CHD7: variants seen among roughly 807,000 people sequenced by gnomAD.
The protein encoded by CHD7 is chromodomain helicase DNA binding protein 7.
In CHD7, 24 loss-of-function variants were observed where a neutral mutation model predicts 307.3. That is an observed-to-expected ratio of 0.08 (90% CI 0.06 to 0.11). The LOEUF (loss-of-function observed/expected upper bound fraction) is 0.11. Among genes scored for constraint, CHD7 ranks in the 10% least tolerant of loss-of-function variants. CHD7 has a pLI of 1.00. For synonymous variants in CHD7, 1,363 were observed against 1,349.9 expected, an observed-to-expected ratio of 1.01 and a Z score of -0.21; for missense variants, 3,106 against 3,727.1, an observed-to-expected ratio of 0.83 and a Z score of 4.34.
chr8:60,765,925 A>T (rs1402350416), intron 2 of CHD7, among the ~76,000 whole-genome samples: 1 of 152,224 alleles, frequency 6.6e-6, no homozygotes, highest in East Asian at 1.9e-4. Context: ...ACATAGAGGA[A>T]CCAAGTCAGG....
At chr8:60,844,040 A>G (rs1269178944) in intron 21 of CHD7, among the ~76,000 whole-genome samples, 1 of 152,226 alleles carries the variant, frequency 6.6e-6, no homozygotes, top group African/African-American at 2.4e-5. Flanking sequence ...TACCATGAGC[A>G]CTGCCTTGGT....
In CHD7 at chr8:60,853,345, G is replaced by A. The variant is rs772728954; in HGVS notation, c.6620G>A (p.Cys2207Tyr). Reference protein sequence around the residue: ...DGSGKESKQECEAEASSVKNE... With the variant: ...DGSGKESKQEYEAEASSVKNE... ...AGCGGGAAGGAGAGCAAGCAGGAAT[G>A]TGAGGCAGAGGCCAGCTCTGTGAAA... Residue 2207 changes from cysteine (C) to tyrosine (Y), a missense_variant, in exon 31 of 38, where the codon TGT becomes TAT. Physicochemically the swap from Cys to Tyr is radical, Grantham distance 194 (BLOSUM62 -2). Around this residue, in one of 10 missense-constraint regions of CHD7, gnomAD observed 1,030 missense variants for 1,165.4 expected, o/e 0.88. Coordinates refer to ENST00000423902, the MANE Select transcript of CHD7 (RefSeq NM_017780.4). The A allele has an allele frequency of 1.9e-6, 3 of 1,587,840 alleles. No individual in the cohort carries two copies. The highest frequency in any genetic ancestry group is 1.4e-5 in the African/African-American group (1 of 73,876).
At chr8:60,737,413 A>C (rs965776418) in intron 1 of CHD7, among the ~76,000 whole-genome samples, 8 of 152,184 alleles carry the variant, frequency 5.3e-5, no homozygotes, top group African/African-American at 1.7e-4. Flanking sequence ...GGGAACTGTC[A>C]CTAAAATGTT....
At chr8:60,697,675 A>G (rs927740740) in intron 1 of CHD7, among the ~76,000 whole-genome samples, 12 of 152,356 alleles carry the variant, frequency 7.9e-5, no homozygotes, top group Non-Finnish European at 1.2e-4. Context: ...TCTAGTAGTT[A>G]AATAAAAAAC....
At chr8:60,680,324 G>C (rs1805542106) in intron 1 of CHD7, among the ~76,000 whole-genome samples, 1 of 146,592 alleles carries the variant, frequency 6.8e-6, no homozygotes, top group Admixed American at 6.7e-5. Flanking sequence ...GGGGCGCGGG[G>C]CTCGGGCGGG....
chr8:60,824,322 A>G (rs887873138), intron 13 of CHD7: 3 of 394,096 alleles, frequency 7.6e-6, no homozygotes, highest in Admixed American at 8.6e-5. Flanking sequence ...AAATACAAAA[A>G]TCCCAGAATC....
chr8:60,769,536 A>G (rs1810617511), intron 2 of CHD7, among the ~76,000 whole-genome samples: 1 of 152,240 alleles, frequency 6.6e-6, no homozygotes, highest in Non-Finnish European at 1.5e-5. Context: ...GGTTTTATGC[A>G]GATGGGAACA....
At position 60,866,153 on chromosome 8, in the gene CHD7, T is replaced by C; in HGVS notation, c.*220T>C. 1 of 414,458 alleles carries C rather than the reference T, an allele frequency of 2.4e-6. No individual in the cohort carries two copies. The allele number at this position is 414,458 out of a possible 1,614,324, so 25.7% of individuals were successfully genotyped here. A position where few individuals can be genotyped will look rare whatever the true frequency, so the allele number is the denominator to read the frequency against. On this transcript the variant is annotated 3_prime_UTR_variant, in exon 38 of 38. Transcript: ENST00000423902. ...TTATTATCCCTAGGAGAGATGAAAT[T>C]TGAGAGGTGATCATGTCTTTTTAAG...
At chr8:60,822,168 C>A in intron 11 of CHD7, 23 bp downstream of exon 11, 1 of 1,593,070 alleles carries the variant, frequency 6.3e-7, no homozygotes, top group East Asian at 2.2e-5. Context: ...AGTTTTTCTT[C>A]ACTTTTAAAT....
At chr8:60,720,559 C>T (rs138419064) in intron 1 of CHD7, among the ~76,000 whole-genome samples, 1 of 152,194 alleles carries the variant, frequency 6.6e-6, no homozygotes, top group South Asian at 2.1e-4. Context: ...CTGTCCTCTG[C>T]ACCATTGTGC....
intron 3 of CHD7, among the ~76,000 whole-genome samples, chr8:60,792,364 A>G (rs541620401): frequency 6.6e-6 from 1 of 152,352 alleles, no homozygotes; most frequent in African/African-American, 2.4e-5. Context: ...TCCTTGATGG[A>G]AATGTTGGAG....
chr8:60,768,141 G>A (rs1360644082), intron 2 of CHD7, among the ~76,000 whole-genome samples: 1 of 152,040 alleles, frequency 6.6e-6, no homozygotes, highest in Non-Finnish European at 1.5e-5. Context: ...ACTCCCCTCT[G>A]AAATCATTTT....
Position 60,852,965 on chromosome 8 carries a change from C to G in CHD7, c.6240C>G (p.Leu2080=). ...CCCAGCTGGGAGAGAGGCTTAAGCT[C>G]TGCCAGCCAAGCTTGGATCTGCCAG... is the stretch of plus-strand genomic sequence containing the variant. ...HHPQLGERLK[L]CQPSLDLPEW... is the part of the protein sequence containing the mutation. The change falls in exon 31 of 38, where the codon CTC becomes CTG. Residue 2080 remains leucine (L), a synonymous_variant. Transcript: ENST00000423902. 1 of 1,614,018 alleles carries G rather than the reference C, an allele frequency of 6.2e-7. No homozygotes were observed. The highest frequency in any genetic ancestry group is 1.1e-5 in the South Asian group (1 of 91,086).
chr8:60,856,819 G>T lies in CHD7; in HGVS notation c.7539G>T (p.Arg2513=). ...VDGEPPMKRR[R]GRRKNVEGLD... is the part of the protein sequence containing the mutation. ...GAGAGCCTCCCATGAAGAGGAGGCG[G>T]GGAAGGAGGAAAAATGTGGAGGGAC... The change falls in exon 34 of 38, where the codon CGG becomes CGT. Residue 2513 remains arginine, a synonymous_variant. Transcript: ENST00000423902. 1 of 1,596,976 alleles carries T rather than the reference G, an allele frequency of 6.3e-7. No homozygotes were observed.
chr8:60,729,021 A>G (rs1396775242), intron 1 of CHD7, among the ~76,000 whole-genome samples: 1 of 152,214 alleles, frequency 6.6e-6, no homozygotes, highest in Non-Finnish European at 1.5e-5. Flanking sequence ...AATTAGATTT[A>G]TTCTACAAGT....
Position 60,817,172 on chromosome 8 carries a change from G to A in CHD7, c.2613+671G>A, listed in dbSNP as rs756099486. On this transcript the variant is annotated intron_variant, in intron 8 of 37. Coordinates refer to ENST00000423902, the MANE Select transcript of CHD7 (RefSeq NM_017780.4). ...TACTAGGGTCTCTGGACTTAGGATC[G>A]CCAATTTGGTTTCACTTACAGCCTC... Among the ~76,000 whole-genome samples, 12 of 152,136 alleles carry A rather than the reference G, an allele frequency of 7.9e-5. 1 individual carries two copies. Among genetic ancestry groups the A allele is most frequent in the Admixed American group, 1.3e-4 (2 of 15,266 alleles).
At chr8:60,681,388 A>T (rs908580034) in intron 1 of CHD7, among the ~76,000 whole-genome samples, 3 of 152,198 alleles carry the variant, frequency 2.0e-5, no homozygotes, top group Admixed American at 6.5e-5. Context: ...GGCAGCTTTC[A>T]TTTGACTGAG....
chr8:60,792,373 AG>A (rs2150692174), intron 3 of CHD7, among the ~76,000 whole-genome samples: 1 of 152,308 alleles, frequency 6.6e-6, no homozygotes, highest in Admixed American at 6.5e-5. Context: ...GAAATGTTGG[AG>A]GGTGGACACT....
chr8:60,833,441 G>A (rs1804610603), intron 15 of CHD7, among the ~76,000 whole-genome samples: 1 of 152,100 alleles, frequency 6.6e-6, no homozygotes, highest in Non-Finnish European at 1.5e-5. Context: ...GCGTGTAGAG[G>A]AAGAGTGGGC....
Sources: allele counts gnomAD v4.1 joint callset (sites outside exome capture counted in the v4.1 genomes callset), GRCh38; gene constraint gnomAD v4.1.1; regional missense constraint gnomAD v4.1.1; transcripts MANE v1.5; gene names NCBI Gene and HGNC (gene_info 2026-07-23, HGNC 2026-07-21).